The following LCORL variants were observed in gnomAD, a reference collection of about 807,000 sequenced individuals.
LCORL encodes the protein ligand-dependent nuclear receptor corepressor-like protein.
A neutral mutation model predicts 141.8 loss-of-function variants in LCORL; 41 were observed. The observed-to-expected ratio is 0.29, with a 90% CI of 0.23 to 0.38. LCORL has a LOEUF of 0.38. Ranked by LOEUF, LCORL falls within the 10% of genes least tolerant of loss-of-function variation. The probability of loss-of-function intolerance (pLI) is 1.00; values close to 1 mark genes in which losing one functional copy is unlikely to be tolerated. For synonymous variants in LCORL, 618 were observed against 694.1 expected (o/e 0.89, Z 1.72); for missense variants, 1,759 against 2,035.0 (o/e 0.86, Z 2.61).
chr4:17,878,033 C>T (rs1727100089), exon 7 of LCORL: 1 of 1,230,452 alleles, frequency 8.1e-7, no homozygotes. Flanking sequence ...ATTCTGAAGA[C>T]ACAACACATG....
chr4:17,948,367 T>C (rs949880534), intron 4 of LCORL, among the ~76,000 whole-genome samples: 11 of 152,024 alleles, frequency 7.2e-5, no homozygotes, highest in African/African-American at 2.7e-4. Flanking sequence ...TACACATGTA[T>C]TGAGCATAAA....
intron 1 of LCORL, among the ~76,000 whole-genome samples, chr4:18,007,229 A>G (rs1722968579): frequency 6.6e-6 from 1 of 152,216 alleles, no homozygotes; most frequent in African/African-American, 2.4e-5. Flanking sequence ...TGCCTTATCT[A>G]TAAAGTAGGA....
At chr4:17,891,525 A>C in intron 5 of LCORL, among the ~76,000 whole-genome samples, 1 of 152,192 alleles carries the variant, frequency 6.6e-6, no homozygotes, top group East Asian at 1.9e-4. Context: ...AAAAATGGTT[A>C]CATAAATTAT....
At chr4:17,952,414 ATTTT>A (rs60765138) in intron 4 of LCORL, among the ~76,000 whole-genome samples, 5 of 135,834 alleles carry the variant, frequency 3.7e-5, no homozygotes, top group African/African-American at 8.3e-5. Flanking sequence ...CTCAAAAACA[ATTTT>A]TTTTTTTTTT....
At chr4:17,876,120 G>T (rs1256832217) in exon 7 of LCORL, 2 of 1,230,720 alleles carry the variant, frequency 1.6e-6, no homozygotes, top group Non-Finnish European at 2.0e-6. Flanking sequence ...GATAGGACTA[G>T]AATAGTTGGA....
intron 7 of LCORL, among the ~76,000 whole-genome samples, chr4:17,872,286 T>A (rs890435932): frequency 6.6e-6 from 1 of 152,112 alleles, no homozygotes; most frequent in African/African-American, 2.4e-5. Flanking sequence ...GCAACTATAG[T>A]GTTCCTATAT....
At chr4:17,932,616 G>A (rs1365948128) in intron 4 of LCORL, among the ~76,000 whole-genome samples, 4 of 152,100 alleles carry the variant, frequency 2.6e-5, no homozygotes, top group Non-Finnish European at 4.4e-5. Context: ...TTTATTCATT[G>A]CAAGAAATGT....
chr4:17,884,827 A>T lies in LCORL; in HGVS notation c.776+1241T>A. 1 of 762,724 alleles carries T rather than the reference A, an allele frequency of 1.3e-6. No homozygotes were observed. The highest frequency in any genetic ancestry group is 2.0e-6 in the Non-Finnish European group (1 of 499,954). The allele number at this position is 762,724 out of a possible 1,614,324, so 47.2% of individuals were successfully genotyped here. A position where few individuals can be genotyped will look rare whatever the true frequency, so the allele number is the denominator to read the frequency against. On this transcript the variant is annotated intron_variant, in intron 6 of 7. Coordinates refer to ENST00000635767, the Ensembl canonical transcript of LCORL. The surrounding 1 kb of genome is among the most constrained non-coding windows in gnomAD (Gnocchi z 4.4). Reference sequence around the variant, plus strand: ...ACACAGCTATGGAAGGGGAGGGTCCACTCCTTTATTATACTCCTTGCTTAG... The same window carrying T: ...ACACAGCTATGGAAGGGGAGGGTCCTCTCCTTTATTATACTCCTTGCTTAG...
rs761935273 is a variant in LCORL, at chr4:17,912,220, C to T, written c.431-2875G>A. 22 of 754,092 alleles carry T rather than the reference C, an allele frequency of 2.9e-5. No homozygotes were observed. The East Asian group carries it at 4.1e-4, about 14-fold the overall frequency. The allele number at this position is 754,092 out of a possible 1,614,324, so 46.7% of individuals were successfully genotyped here. On this transcript the variant is annotated intron_variant, in intron 4 of 7. Transcript: ENST00000635767. Reference sequence around the variant, plus strand: ...CAAGTATGAGACAAAGCTGGCCGTGCGCCAGTCTGTGGAGAGCAACATTAT... The same window carrying T: ...CAAGTATGAGACAAAGCTGGCCGTGTGCCAGTCTGTGGAGAGCAACATTAT...
In LCORL at chr4:17,964,426, A is replaced by G. The variant is rs573243956; in HGVS notation, c.221-1377T>C. 1.1e-4 allele frequency among the ~76,000 whole-genome samples: 16 copies of G among 152,280 alleles called. No individual in the cohort carries two copies. In the South Asian group the frequency reaches 3.3e-3, roughly 32 times the overall value. On this transcript the variant is annotated intron_variant, in intron 2 of 7. Transcript: ENST00000635767. ...AGCACCATACAAAAGCCAGTTATAA[A>G]CAAGACAGAATTACCAGTCGTTATT...
intron 1 of LCORL, 89 bp from the exon 2 acceptor site, chr4:17,972,974 ATTAAT>A (rs1716262630): frequency 7.4e-6 from 4 of 539,340 alleles, no homozygotes; most frequent in Non-Finnish European, 1.2e-5. Flanking sequence ...CAATCAGCAA[ATTAAT>A]TTAACATACC....
intron 5 of LCORL, among the ~76,000 whole-genome samples, chr4:17,886,929 A>G (rs1211046576): frequency 6.6e-6 from 1 of 152,126 alleles, no homozygotes; most frequent in African/African-American, 2.4e-5. Flanking sequence ...TTTAAAACCC[A>G]GCAAAGAATT....
chr4:17,978,579 C>CAA (rs202146842), intron 1 of LCORL, among the ~76,000 whole-genome samples: 9,699 of 125,178 alleles, frequency 0.077, 1,157 homozygotes, highest in African/African-American at 0.26. Context: ...GACCTTGTCT[C>CAA]AAAAAAAAAA....
chr4:17,902,432 G>GT (rs144629949), intron 5 of LCORL, among the ~76,000 whole-genome samples: 2,777 of 152,162 alleles, frequency 0.018, 83 homozygotes, highest in East Asian at 0.13. Flanking sequence ...TCTTCCACAT[G>GT]TTTTTAGCCA....
intron 4 of LCORL, among the ~76,000 whole-genome samples, chr4:17,946,480 G>C (rs1738901221): frequency 6.6e-6 from 1 of 151,922 alleles, no homozygotes; most frequent in Non-Finnish European, 1.5e-5. Context: ...ATGTTGAAGA[G>C]TATGTTATGT....
At chr4:17,902,666 A>G (rs1356355878) in intron 5 of LCORL, among the ~76,000 whole-genome samples, 2 of 152,134 alleles carry the variant, frequency 1.3e-5, no homozygotes, top group Non-Finnish European at 2.9e-5. Context: ...AAAGCACAAC[A>G]GTGGTGGTGG....
intron 1 of LCORL, among the ~76,000 whole-genome samples, chr4:18,010,553 G>A (rs1042064714): frequency 1.3e-5 from 2 of 151,984 alleles, no homozygotes; most frequent in African/African-American, 2.4e-5. Context: ...GGGTTCAAGC[G>A]ATTCTCCTGC....
intron 4 of LCORL, among the ~76,000 whole-genome samples, chr4:17,929,008 A>C (rs1227390260): frequency 1.3e-5 from 2 of 152,310 alleles, no homozygotes; most frequent in East Asian, 3.9e-4. Context: ...CAATAGCACA[A>C]AACAATTCCA....
intron 1 of LCORL, among the ~76,000 whole-genome samples, chr4:18,004,819 G>C (rs1054569222): frequency 6.6e-6 from 1 of 152,184 alleles, no homozygotes; most frequent in African/African-American, 2.4e-5. Context: ...AGATACAATG[G>C]GGGTAACAGA....
Sources: gnomAD v4.1 joint callset for allele counts (sites outside exome capture counted in the v4.1 genomes callset) on GRCh38, gnomAD v4.1.1 for gene constraint, Gnocchi (gnomAD v3.1) non-coding constraint, MANE v1.5 for transcripts, NCBI Gene and HGNC (gene_info 2026-07-23, HGNC 2026-07-21) for gene names.